The following ALK variants were observed in gnomAD, a reference collection of about 807,000 sequenced individuals.
The protein encoded by ALK is ALK tyrosine kinase receptor.
A neutral mutation model predicts 163.1 loss-of-function variants in ALK; 74 were observed. The observed-to-expected ratio is 0.45, with a 90% CI of 0.38 to 0.55. The LOEUF (loss-of-function observed/expected upper bound fraction) is 0.55. Among genes scored for constraint, ALK ranks in the 20% least tolerant of loss-of-function variants. ALK has a pLI of 0.00. For synonymous variants in ALK, 960 were observed against 843.2 expected (o/e 1.14, Z -2.40); for missense variants, 2,063 against 2,105.3 (o/e 0.98, Z 0.39).
intron 1 of ALK, among the ~76,000 whole-genome samples, chr2:29,803,616 C>T (rs1664539211): frequency 6.6e-6 from 1 of 152,196 alleles, no homozygotes; most frequent in Non-Finnish European, 1.5e-5. Context: ...TTCATCCAAT[C>T]CATCACATGG....
intron 1 of ALK, among the ~76,000 whole-genome samples, chr2:29,875,311 A>ATCTTTAATAAC (rs1313230900): frequency 6.6e-6 from 1 of 152,208 alleles, no homozygotes; most frequent in Non-Finnish European, 1.5e-5. Context: ...GATGATGAAC[A>ATCTTTAATAAC]AGTTCTAGAA....
At chr2:29,229,725 C>T (rs1172159769) in intron 15 of ALK, among the ~76,000 whole-genome samples, 1 of 152,158 alleles carries the variant, frequency 6.6e-6, no homozygotes, top group Non-Finnish European at 1.5e-5. Context: ...CCACAAACTG[C>T]CAGGGGTGGG....
At chr2:29,618,823 A>T (rs770367467) in intron 3 of ALK, among the ~76,000 whole-genome samples, 12 of 152,168 alleles carry the variant, frequency 7.9e-5, no homozygotes, top group Non-Finnish European at 1.3e-4. Flanking sequence ...TACTAAAAAT[A>T]CAAAAATTAG....
At chr2:29,433,316 G>A (rs905499669) in intron 4 of ALK, among the ~76,000 whole-genome samples, 2 of 152,136 alleles carry the variant, frequency 1.3e-5, no homozygotes, top group African/African-American at 4.8e-5. Context: ...TGGGGCTGGA[G>A]AGTCTGTATT....
chr2:29,741,001 C>T (rs920383852), intron 1 of ALK, among the ~76,000 whole-genome samples: 1 of 151,462 alleles, frequency 6.6e-6, no homozygotes, highest in African/African-American at 2.4e-5. Flanking sequence ...GTCTCTGCCT[C>T]AGAAAAAAAT....
intron 1 of ALK, among the ~76,000 whole-genome samples, chr2:29,797,658 A>G (rs1271684487): frequency 1.3e-5 from 2 of 152,184 alleles, no homozygotes; most frequent in Non-Finnish European, 2.9e-5. Flanking sequence ...TTGCTGATTG[A>G]AGGAACTGAT....
At chr2:29,377,422 C>A (rs112457040) in intron 5 of ALK, among the ~76,000 whole-genome samples, 1 of 144,700 alleles carries the variant, frequency 6.9e-6, no homozygotes, top group East Asian at 2.1e-4. Flanking sequence ...TTGCAGTGAG[C>A]TGAGATGGCG....
intron 4 of ALK, among the ~76,000 whole-genome samples, chr2:29,433,133 T>G (rs188047595): frequency 6.6e-6 from 1 of 152,192 alleles, no homozygotes; most frequent in Non-Finnish European, 1.5e-5. Context: ...GTTATGACAC[T>G]ATTGAACCCA....
chr2:29,842,015 T>C (rs1429744458), intron 1 of ALK, among the ~76,000 whole-genome samples: 5 of 151,990 alleles, frequency 3.3e-5, no homozygotes, highest in Non-Finnish European at 5.9e-5. Flanking sequence ...TCACTCCTCT[T>C]TTCTACCTTC....
intron 1 of ALK, among the ~76,000 whole-genome samples, chr2:29,756,881 G>A (rs1329464536): frequency 6.6e-6 from 1 of 152,210 alleles, no homozygotes; most frequent in African/African-American, 2.4e-5. Context: ...GAACATTACA[G>A]AGAACAAGAT....
At chr2:29,644,632 C>G (rs1453768509) in intron 3 of ALK, among the ~76,000 whole-genome samples, 1 of 149,664 alleles carries the variant, frequency 6.7e-6, no homozygotes, top group African/African-American at 2.5e-5. Flanking sequence ...AATCAAATTG[C>G]TAGCCATTAT....
rs747203243 is a variant in ALK at position 29,320,762 on chromosome 2, T to C, written c.1535A>G (p.Gln512Arg). 1 of 1,613,826 alleles carries C rather than the reference T, an allele frequency of 6.2e-7. No individual in the cohort carries two copies. Among genetic ancestry groups the C allele is most frequent in the South Asian group, 1.1e-5 (1 of 91,056 alleles). The part of the protein sequence containing the change: ...QVRTLKDARF[Q>R]DHQDHALLLS... Reference sequence around the variant, plus strand: ...GAGAGCAGTAGTACCTTGGTGGTCCTGGAACCGGGCATCCTTTAGGGTCCT... The same window carrying C: ...GAGAGCAGTAGTACCTTGGTGGTCCCGGAACCGGGCATCCTTTAGGGTCCT... The change falls in exon 7 of 29, where the codon CAG (glutamine) becomes CGG (arginine). Residue 512 changes from glutamine to arginine, a missense_variant. By Grantham distance (43) the Gln-to-Arg change is conservative. Coordinates refer to ENST00000389048, the MANE Select transcript of ALK (RefSeq NM_004304.5).
intron 4 of ALK, among the ~76,000 whole-genome samples, chr2:29,471,976 C>A (rs1473260975): frequency 6.6e-6 from 1 of 152,144 alleles, no homozygotes; most frequent in Non-Finnish European, 1.5e-5. Flanking sequence ...CTCCTGACCT[C>A]AGGTGATCCA....
rs114929112 is a variant in ALK at position 29,296,157 on chromosome 2, A to G, written c.1817+731T>C. Among the ~76,000 whole-genome samples the G allele has an allele frequency of 3.0e-3, 454 of 152,358 alleles. 3 individuals are homozygous for G. Among genetic ancestry groups the G allele is most frequent in the African/African-American group, 0.01 (431 of 41,584 alleles). Reference sequence around the variant, plus strand: ...TTTTCTAGTTCAAACCTCTCAGCTTAAAGGTGAGGAAACTGAGGCCCAAAG... The same window carrying G: ...TTTTCTAGTTCAAACCTCTCAGCTTGAAGGTGAGGAAACTGAGGCCCAAAG... On this transcript the variant is annotated intron_variant, in intron 9 of 28. Coordinates refer to ENST00000389048, the MANE Select transcript of ALK (RefSeq NM_004304.5).
intron 3 of ALK, among the ~76,000 whole-genome samples, chr2:29,646,074 T>C (rs1573524869): frequency 6.6e-6 from 1 of 151,974 alleles, no homozygotes; most frequent in East Asian, 1.9e-4. Context: ...TCTCTCTTCC[T>C]TCTTAAGATC....
chr2:29,902,398 C>G (rs1267142601), intron 1 of ALK, among the ~76,000 whole-genome samples: 1 of 152,318 alleles, frequency 6.6e-6, no homozygotes, highest in East Asian at 1.9e-4. Flanking sequence ...CTGCATCTTT[C>G]CAAATCTTCC....
At chr2:29,506,620 C>A (rs544015765) in intron 4 of ALK, among the ~76,000 whole-genome samples, 1 of 152,172 alleles carries the variant, frequency 6.6e-6, no homozygotes, top group Non-Finnish European at 1.5e-5. Flanking sequence ...GTGGTGGGTG[C>A]CTGTAGTCCC....
At chr2:29,751,254 C>T (rs1166021681) in intron 1 of ALK, among the ~76,000 whole-genome samples, 1 of 152,144 alleles carries the variant, frequency 6.6e-6, no homozygotes, top group Non-Finnish European at 1.5e-5. Flanking sequence ...TTACTGTACA[C>T]TCCTGTACAT....
intron 1 of ALK, among the ~76,000 whole-genome samples, chr2:29,737,121 C>A (rs1480423785): frequency 6.6e-6 from 1 of 151,980 alleles, no homozygotes; most frequent in South Asian, 2.1e-4. Flanking sequence ...GTATTTTTTA[C>A]AAATATGTTA....
Sources: allele counts gnomAD v4.1 joint callset (sites outside exome capture counted in the v4.1 genomes callset), GRCh38; gene constraint gnomAD v4.1.1; transcripts MANE v1.5; gene names NCBI Gene and HGNC (gene_info 2026-07-23, HGNC 2026-07-21).